FHAD1: variants seen among roughly 807,000 people sequenced by gnomAD.
FHAD1 encodes the protein forkhead-associated domain-containing protein 1.
In FHAD1, 146 loss-of-function variants were observed where a neutral mutation model predicts 191.3. The observed-to-expected ratio is 0.76, with a 90% CI of 0.67 to 0.88. The LOEUF is 0.88. Ranked by LOEUF, FHAD1 falls within the 40% of genes least tolerant of loss-of-function variation. The probability of loss-of-function intolerance (pLI) is 0.00; values close to 1 mark genes in which losing one functional copy is unlikely to be tolerated. For missense variants in FHAD1, 1,635 were observed against 1,785.8 expected (o/e 0.92, Z 1.52); for synonymous variants, 616 against 672.3 (o/e 0.92, Z 1.29).
chr1:15,339,707 G>A (rs1032308316), intron 15 of FHAD1, among the ~76,000 whole-genome samples, 156 bp downstream of exon 15: 2 of 152,194 alleles, frequency 1.3e-5, no homozygotes, highest in African/African-American at 4.8e-5. Context: ...ACACAAAGAG[G>A]TACAGAAAAG....
chr1:15,261,699 A>G (rs1174208830), intron 2 of FHAD1, among the ~76,000 whole-genome samples: 3 of 152,204 alleles, frequency 2.0e-5, no homozygotes, highest in African/African-American at 7.2e-5. Flanking sequence ...CCAGACTCAC[A>G]GTCTTACCAG....
chr1:15,384,853 G>A (rs1007558465), intron 31 of FHAD1, among the ~76,000 whole-genome samples: 2 of 152,212 alleles, frequency 1.3e-5, no homozygotes, highest in African/African-American at 4.8e-5. Flanking sequence ...AGCCTGCGAG[G>A]AGGGCTGCCG....
chr1:15,241,164 G>A (rs955353313), intron 1 of FHAD1, among the ~76,000 whole-genome samples: 2 of 152,106 alleles, frequency 1.3e-5, no homozygotes, highest in African/African-American at 4.8e-5. Flanking sequence ...TGCTAAGTTT[G>A]TGGTAGTTTG....
chr1:15,262,376 T>A (rs1479349173), intron 2 of FHAD1, among the ~76,000 whole-genome samples: 2 of 152,216 alleles, frequency 1.3e-5, no homozygotes, highest in Admixed American at 1.3e-4. Context: ...CTATTATCTC[T>A]GTTTACAGAT....
Position 15,251,828 on chromosome 1 carries a change from A to G in FHAD1, c.44A>G (p.Asn15Ser). 1 of 1,552,336 alleles carries G rather than the reference A, an allele frequency of 6.4e-7. No individual in the cohort carries two copies. Among genetic ancestry groups the G allele is most frequent in the Non-Finnish European group, 8.7e-7 (1 of 1,147,130 alleles). The change falls in exon 2 of 34, where the codon AAT becomes AGT. Residue 15 changes from asparagine to serine, a missense_variant. Coordinates refer to ENST00000688493, the MANE Select transcript of FHAD1 (RefSeq NM_001391957.1). ...LKSAEGFFVL[N>S]KSTTIGRHEN... ...AGCGCAGAAGGCTTTTTTGTCCTAA[A>G]TAAAAGTACCACAATTGGAAGGCAT... is the stretch of plus-strand genomic sequence containing the variant.
At chr1:15,342,745 G>A (rs998748140) in intron 16 of FHAD1, among the ~76,000 whole-genome samples, 23 of 151,650 alleles carry the variant, frequency 1.5e-4, no homozygotes, top group South Asian at 8.3e-4. Flanking sequence ...CCACAGCCTC[G>A]AACTCCCAGG....
intron 14 of FHAD1, among the ~76,000 whole-genome samples, chr1:15,337,766 TA>T (rs911393060): frequency 1.3e-3 from 192 of 146,690 alleles, no homozygotes; most frequent in African/African-American, 4.4e-3. Context: ...TATTTTTCTT[TA>T]AAAAAAAAAA....
rs970904595 is a variant in FHAD1 at position 15,251,293 on chromosome 1, AACC to A, written c.-14-474_-14-472del. ...TGTCTCAAAAAAAAAAAACAAAAAA[AACC>A]ACCCATTTTATAGATGAGGAAACTG... On this transcript the variant is annotated intron_variant, in intron 1 of 33. Coordinates refer to ENST00000688493, the MANE Select transcript of FHAD1 (RefSeq NM_001391957.1). 3.1e-4 allele frequency among the ~76,000 whole-genome samples: 34 copies of A among 111,116 alleles called. 1 individual carries two copies. The highest frequency in any genetic ancestry group is 1.6e-3 in the African/African-American group (33 of 21,266). 72.9% of individuals were successfully genotyped at this position (111,116 alleles called of 152,430 possible). A position where few individuals can be genotyped will look rare whatever the true frequency, so the allele number is the denominator to read the frequency against.
At chr1:15,357,451 C>T (rs1003511041) in intron 20 of FHAD1, among the ~76,000 whole-genome samples, 3 of 152,092 alleles carry the variant, frequency 2.0e-5, no homozygotes, top group East Asian at 1.9e-4. Context: ...GGTGAAACTC[C>T]GTCTCTACTA....
intron 22 of FHAD1, among the ~76,000 whole-genome samples, 153 bp downstream of exon 22, chr1:15,360,856 C>T (rs748216454): frequency 9.2e-5 from 14 of 152,114 alleles, no homozygotes; most frequent in South Asian, 2.1e-4. Flanking sequence ...TGTTACACAA[C>T]GATGTCAGAA....
intron 10 of FHAD1, among the ~76,000 whole-genome samples, chr1:15,323,599 A>C (rs548550408): frequency 6.6e-6 from 1 of 152,248 alleles, no homozygotes; most frequent in East Asian, 1.9e-4. Context: ...TCAGAACAAA[A>C]TCCTCTCATC....
At chr1:15,324,672 T>G (rs1300148157) in intron 11 of FHAD1, 113 bp downstream of exon 11, 1 of 731,416 alleles carries the variant, frequency 1.4e-6, no homozygotes, top group Non-Finnish European at 2.4e-6. Flanking sequence ...AGACGTGCGT[T>G]AATTCTCCCA....
At chr1:15,314,073 TAATAATAATAA>T (rs1673176250) in intron 8 of FHAD1, among the ~76,000 whole-genome samples, 1 of 30,674 alleles carries the variant, frequency 3.3e-5, no homozygotes, top group Admixed American at 7.1e-4. Context: ...ATAATAATAA[TAATAATAATAA>T]TAATAATAAT....
chr1:15,330,275 A>G (rs1378008555), intron 14 of FHAD1, among the ~76,000 whole-genome samples: 1 of 152,196 alleles, frequency 6.6e-6, no homozygotes, highest in Non-Finnish European at 1.5e-5. Context: ...ATACCTGCTC[A>G]TATTATCTTT....
At chr1:15,350,350 C>T (rs770818275) in intron 19 of FHAD1, among the ~76,000 whole-genome samples, 14 of 152,214 alleles carry the variant, frequency 9.2e-5, no homozygotes, top group Non-Finnish European at 1.6e-4. Flanking sequence ...AGGGCAGGAC[C>T]GCTCAGGAAG....
At chr1:15,323,470 A>G (rs1534953) in intron 10 of FHAD1, among the ~76,000 whole-genome samples, 51,085 of 152,108 alleles carry the variant, frequency 0.34, 9,625 homozygotes, top group African/African-American at 0.5. Context: ...GAAACAGCTC[A>G]CTGGGGACTG....
chr1:15,238,250 GAAAAAAA>G (rs35058576), intron 1 of FHAD1, among the ~76,000 whole-genome samples: 3 of 96,916 alleles, frequency 3.1e-5, no homozygotes, highest in East Asian at 3.3e-4. Flanking sequence ...CCATCTCAAG[GAAAAAAA>G]AAAAAAAAAA....
intron 10 of FHAD1, among the ~76,000 whole-genome samples, chr1:15,321,378 A>G (rs473111): frequency 0.58 from 88,807 of 152,080 alleles, 28,011 homozygotes; most frequent in South Asian, 0.76. Context: ...AACTCTTACT[A>G]TTTTAGTGGT....
At chr1:15,261,910 A>C (rs745499567) in intron 2 of FHAD1, among the ~76,000 whole-genome samples, 32 of 152,108 alleles carry the variant, frequency 2.1e-4, no homozygotes, top group Admixed American at 8.5e-4. Context: ...AGGCAGGAAG[A>C]TCACTCGAGC....
Sources: gnomAD v4.1 joint callset for allele counts (sites outside exome capture counted in the v4.1 genomes callset) on GRCh38, gnomAD v4.1.1 for gene constraint, MANE v1.5 for transcripts, NCBI Gene and HGNC (gene_info 2026-07-23, HGNC 2026-07-21) for gene names.